SHISA6: variants seen among roughly 807,000 people sequenced by gnomAD.
SHISA6 encodes protein shisa-6.
In SHISA6, 22 loss-of-function variants were observed where a neutral mutation model predicts 47.9. The observed-to-expected ratio is 0.46, with a 90% CI of 0.33 to 0.66. SHISA6 has a LOEUF of 0.66. SHISA6 is among the 30% of genes least tolerant of loss of function. The probability of loss-of-function intolerance (pLI) is 0.02; values close to 1 mark genes in which losing one functional copy is unlikely to be tolerated. For synonymous variants in SHISA6, 388 were observed against 337.8 expected, an observed-to-expected ratio of 1.15 and a Z score of -1.63; for missense variants, 680 against 764.6, an observed-to-expected ratio of 0.89 and a Z score of 1.30.
At chr17:11,504,287 CTG>C (rs1490188517) in intron 3 of SHISA6, among the ~76,000 whole-genome samples, 1 of 152,108 alleles carries the variant, frequency 6.6e-6, no homozygotes, top group East Asian at 1.9e-4. Context: ...TCTTAGTGGA[CTG>C]TTTGTTAGTA....
At chr17:11,410,957 T>A (rs1914096776) in intron 3 of SHISA6, among the ~76,000 whole-genome samples, 1 of 152,092 alleles carries the variant, frequency 6.6e-6, no homozygotes. Flanking sequence ...CTGTCTATTT[T>A]TTTTATTTTT....
At chr17:11,347,533 T>G (rs2142217746) in intron 2 of SHISA6, among the ~76,000 whole-genome samples, 1 of 152,332 alleles carries the variant, frequency 6.6e-6, no homozygotes, top group African/African-American at 2.4e-5. Flanking sequence ...TACTTAACAT[T>G]ATGAGCTAGA....
At chr17:11,425,567 TGACAGA>T (rs1358237630) in intron 3 of SHISA6, among the ~76,000 whole-genome samples, 1 of 152,182 alleles carries the variant, frequency 6.6e-6, no homozygotes, top group Non-Finnish European at 1.5e-5. Context: ...TGGCTTCAAG[TGACAGA>T]GAATTCAGCC....
chr17:11,339,137 A>T (rs1017528570), intron 2 of SHISA6, among the ~76,000 whole-genome samples: 2 of 151,628 alleles, frequency 1.3e-5, no homozygotes, highest in Non-Finnish European at 2.9e-5. Flanking sequence ...CACATTGTGC[A>T]CATGTACCCT....
chr17:11,443,194 CTTTT>C (rs1396430431), intron 3 of SHISA6, among the ~76,000 whole-genome samples: 1 of 152,126 alleles, frequency 6.6e-6, no homozygotes, highest in African/African-American at 2.4e-5. Context: ...TGAAGACTTT[CTTTT>C]TTTCTCGCAG....
intron 2 of SHISA6, among the ~76,000 whole-genome samples, chr17:11,342,182 TGAA>T (rs1278842307): frequency 2.6e-5 from 4 of 151,892 alleles, no homozygotes; most frequent in Non-Finnish European, 5.9e-5. Context: ...CCCAGAGAGG[TGAA>T]GGTGTCTAAC....
chr17:11,524,909 T>C (rs1288193438), intron 3 of SHISA6, among the ~76,000 whole-genome samples: 1 of 152,174 alleles, frequency 6.6e-6, no homozygotes, highest in Non-Finnish European at 1.5e-5. Context: ...AGAGATTATC[T>C]CGCTGTATTT....
At chr17:11,307,093 C>G (rs1910138983) in intron 2 of SHISA6, among the ~76,000 whole-genome samples, 1 of 151,380 alleles carries the variant, frequency 6.6e-6, no homozygotes, top group South Asian at 2.1e-4. Flanking sequence ...GCAAAATAAC[C>G]TTTAAGACAG....
At chr17:11,316,139 T>C (rs1473381934) in intron 2 of SHISA6, among the ~76,000 whole-genome samples, 3 of 131,410 alleles carry the variant, frequency 2.3e-5, no homozygotes, top group African/African-American at 8.8e-5. Context: ...TTTATTGATA[T>C]AAAGTTGAAC....
chr17:11,244,353 G>C (rs1907493093), intron 1 of SHISA6, among the ~76,000 whole-genome samples: 2 of 152,106 alleles, frequency 1.3e-5, no homozygotes, highest in South Asian at 4.2e-4. Flanking sequence ...AGGGGGACAG[G>C]GCATGGGGGA....
intron 3 of SHISA6, among the ~76,000 whole-genome samples, chr17:11,537,905 A>G (rs1288072103): frequency 6.6e-6 from 1 of 152,238 alleles, no homozygotes; most frequent in Non-Finnish European, 1.5e-5. Context: ...GAAAGAGTGA[A>G]TGAATGAGAC....
chr17:11,374,929 G>A (rs1373700887), intron 2 of SHISA6, among the ~76,000 whole-genome samples: 2 of 152,036 alleles, frequency 1.3e-5, no homozygotes, highest in East Asian at 1.9e-4. Context: ...ACACACAGAG[G>A]TTTGAATCTT....
In SHISA6 at chr17:11,447,642, G is replaced by A. The variant is rs139324661; in HGVS notation, c.895+68133G>A. On this transcript the variant is annotated intron_variant, in intron 3 of 5. Transcript: ENST00000441885. The stretch of plus-strand genomic sequence containing the variant: ...AGGCAGTCATTTTCTATTTCTCCAC[G>A]TATAATACCTTTGCTGATTTGACAG... 1.8e-4 allele frequency among the ~76,000 whole-genome samples: 27 copies of A among 152,254 alleles called. No individual in the cohort carries two copies. The South Asian group carries it at 4.6e-3, about 26-fold the overall frequency.
chr17:11,351,857 A>G (rs1234637622), intron 2 of SHISA6, among the ~76,000 whole-genome samples: 2 of 152,234 alleles, frequency 1.3e-5, no homozygotes, highest in African/African-American at 4.8e-5. Context: ...GCAACAATAT[A>G]TACTATAAGG....
At position 11,241,467 on chromosome 17, in the gene SHISA6, G is replaced by C. The variant is rs1399035125; in HGVS notation, c.45G>C (p.Glu15Asp). Residue 15 changes from glutamate to aspartate, a missense_variant, in exon 1 of 6, where the codon GAG (glutamate) becomes GAC (aspartate). Glu to Asp is a conservative substitution (Grantham distance 45). This residue lies in a region of SHISA6 where 121 missense variants were observed against 90.5 expected (regional missense o/e 1.34). Coordinates refer to ENST00000441885, the MANE Select transcript of SHISA6 (RefSeq NM_207386.4). This position sits in a 1 kb window ranked among gnomAD's most constrained non-coding sequence, Gnocchi z 5.5. ...RLLLLLLLSLESLDLLPSVHG... is the reference protein window; with the variant it reads ...RLLLLLLLSLDSLDLLPSVHG... ...TGCTGCTGCTGCTGCTCTCGCTGGA[G>C]TCCCTGGACCTGCTGCCCAGCGTCC... is the stretch of plus-strand genomic sequence containing the variant. The C allele has an allele frequency of 8.2e-7, 1 of 1,215,018 alleles. No homozygotes were observed. Among genetic ancestry groups the C allele is most frequent in the Admixed American group, 3.2e-5 (1 of 31,188 alleles). The allele number at this position is 1,215,018 out of a possible 1,614,324, so 75.3% of individuals were successfully genotyped here. A position where few individuals can be genotyped will look rare whatever the true frequency, so the allele number is the denominator to read the frequency against.
chr17:11,423,243 A>G (rs563450163), intron 3 of SHISA6, among the ~76,000 whole-genome samples: 11 of 145,196 alleles, frequency 7.6e-5, no homozygotes, highest in East Asian at 5.9e-4. Context: ...GTGTGTGTAT[A>G]TATATATATA....
intron 3 of SHISA6, among the ~76,000 whole-genome samples, chr17:11,385,550 G>A (rs1913163594): frequency 6.6e-6 from 1 of 152,180 alleles, no homozygotes; most frequent in Non-Finnish European, 1.5e-5. Context: ...TTCATGTTAA[G>A]TTTCAGATGC....
chr17:11,288,592 T>A (rs1275422769), intron 2 of SHISA6: 1 of 152,162 alleles, frequency 6.6e-6, no homozygotes. Context: ...ATAATCTTAC[T>A]CAAAATGACT....
chr17:11,406,672 G>A lies in SHISA6; in HGVS notation c.895+27163G>A, dbSNP rs117488741. 6.9e-3 allele frequency among the ~76,000 whole-genome samples: 1,050 copies of A among 152,240 alleles called. 7 individuals carry two copies. The highest frequency in any genetic ancestry group is 0.01 in the Non-Finnish European group (713 of 68,032). On this transcript the variant is annotated intron_variant, in intron 3 of 5. Coordinates refer to ENST00000441885, the MANE Select transcript of SHISA6 (RefSeq NM_207386.4). The stretch of plus-strand genomic sequence containing the variant: ...TCTATACCACAATGCTACTTTCTGA[G>A]CACAATGCCCAGAACAGAGCAGCAG...
Sources: gnomAD v4.1 joint callset for allele counts (sites outside exome capture counted in the v4.1 genomes callset) on GRCh38, gnomAD v4.1.1 for gene constraint, gnomAD v4.1.1 regional missense constraint, Gnocchi (gnomAD v3.1) non-coding constraint, MANE v1.5 for transcripts, NCBI Gene and HGNC (gene_info 2026-07-23, HGNC 2026-07-21) for gene names.